Variants in ANO3 observed in about 807,000 individuals in gnomAD.
ANO3 encodes the protein anoctamin-3.
A neutral mutation model predicts 144.8 loss-of-function variants in ANO3; 99 were observed. That is an observed-to-expected ratio of 0.68 (90% confidence interval 0.58 to 0.81). The LOEUF (loss-of-function observed/expected upper bound fraction) is 0.81. Ranked by LOEUF, ANO3 falls within the 30% of genes least tolerant of loss-of-function variation. ANO3 has a pLI of 0.00. For missense variants in ANO3, 905 were observed against 1,202.2 expected (o/e 0.75, Z 3.66); for synonymous variants, 414 against 392.6 (o/e 1.05, Z -0.64).
chr11:26,366,271 G>T (rs1590296957), intron 1 of ANO3, among the ~76,000 whole-genome samples: 1 of 152,052 alleles, frequency 6.6e-6, no homozygotes, highest in Admixed American at 6.5e-5. Flanking sequence ...TGCGATAGTT[G>T]GCTGAGAATG....
Position 26,386,635 on chromosome 11 carries a change from A to AT in ANO3, c.46+54317dup, listed in dbSNP as rs570384777. Reference sequence around the variant, plus strand: ...AAGAATACAACATTATTTCTGTAGTATTTGTGCCAAGAATGTAGGAGAAAA... The same window carrying AT: ...AAGAATACAACATTATTTCTGTAGTATTTTGTGCCAAGAATGTAGGAGAAAA... On this transcript the variant is annotated intron_variant, in intron 1 of 26. Coordinates refer to ENST00000256737, the MANE Select transcript of ANO3 (RefSeq NM_031418.4). 2.2e-4 allele frequency among the ~76,000 whole-genome samples: 33 copies of AT among 152,328 alleles called. No individual in the cohort carries two copies. The South Asian group carries it at 6.6e-3, about 31-fold the overall frequency.
At chr11:26,593,826 C>T (rs1848565) in intron 14 of ANO3, among the ~76,000 whole-genome samples, 42,353 of 151,984 alleles carry the variant, frequency 0.28, 6,404 homozygotes, top group South Asian at 0.45. Context: ...GTCCGCTTGC[C>T]GAGGGCCATG....
intron 1 of ANO3, among the ~76,000 whole-genome samples, chr11:26,212,508 C>G (rs1203679558): frequency 6.6e-6 from 1 of 152,004 alleles, no homozygotes; most frequent in Non-Finnish European, 1.5e-5. Flanking sequence ...ATAAATACCT[C>G]TATGCAAATA....
chr11:26,649,274 A>G lies in ANO3; in HGVS notation c.2576+1418A>G, dbSNP rs546545563. On this transcript the variant is annotated intron_variant, in intron 24 of 26. Coordinates refer to ENST00000256737, the MANE Select transcript of ANO3 (RefSeq NM_031418.4). ...ATTCATGTACACATTTTAAAGGTAT[A>G]TAACAGTAGAATCTGACTTTTTTGA... Among the ~76,000 whole-genome samples, 18 of 152,336 alleles carry G rather than the reference A, an allele frequency of 1.2e-4. No individual in the cohort carries two copies. The South Asian group carries it at 3.1e-3, about 26-fold the overall frequency.
intron 14 of ANO3, among the ~76,000 whole-genome samples, chr11:26,580,844 A>T (rs1009229717): frequency 1.1e-4 from 16 of 152,206 alleles, no homozygotes; most frequent in African/African-American, 3.4e-4. Context: ...TATTTAAAAA[A>T]AATGGTTAGT....
At chr11:26,488,254 A>T (rs1860546111) in intron 4 of ANO3, among the ~76,000 whole-genome samples, 1 of 152,242 alleles carries the variant, frequency 6.6e-6, no homozygotes, top group South Asian at 2.1e-4. Context: ...CTGACAATGC[A>T]GTAGAAAAGA....
intron 1 of ANO3, among the ~76,000 whole-genome samples, chr11:26,220,276 G>A (rs1480000430): frequency 6.6e-6 from 1 of 152,208 alleles, no homozygotes; most frequent in East Asian, 1.9e-4. Flanking sequence ...TAAAAGACAT[G>A]GCACTAGACC....
chr11:26,258,758 A>G (rs1853116407), intron 1 of ANO3, among the ~76,000 whole-genome samples: 1 of 152,242 alleles, frequency 6.6e-6, no homozygotes, highest in Non-Finnish European at 1.5e-5. Context: ...AGTTTAGTCT[A>G]TAACCAATGG....
chr11:26,440,649 G>C (rs1414852235), intron 1 of ANO3, among the ~76,000 whole-genome samples: 1 of 152,148 alleles, frequency 6.6e-6, no homozygotes, highest in Admixed American at 6.5e-5. Flanking sequence ...GAAGAGAAAA[G>C]AGCCTCCACT....
chr11:26,383,944 C>CTGGA (rs1856655656), intron 1 of ANO3, among the ~76,000 whole-genome samples: 1 of 114,214 alleles, frequency 8.8e-6, no homozygotes, highest in Non-Finnish European at 1.6e-5. Flanking sequence ...GTTGCCCAGG[C>CTGGA]TGGAGTGCAG....
chr11:26,621,947 C>T (rs1229566947), intron 17 of ANO3, among the ~76,000 whole-genome samples: 1 of 152,156 alleles, frequency 6.6e-6, no homozygotes, highest in Non-Finnish European at 1.5e-5. Context: ...TTCCACTTTA[C>T]ACAATCACAC....
At chr11:26,566,817 A>G (rs542867540) in intron 14 of ANO3, among the ~76,000 whole-genome samples, 2 of 151,976 alleles carry the variant, frequency 1.3e-5, no homozygotes, top group South Asian at 2.1e-4. Flanking sequence ...GACACAAATA[A>G]CTCATGAAAA....
Position 26,385,125 on chromosome 11 carries a change from GATCA to G in ANO3, c.46+52807_46+52810del, listed in dbSNP as rs1339545450. On this transcript the variant is annotated intron_variant, in intron 1 of 26. Transcript: ENST00000256737. ...TTGATACTTGGAAATTACATGAAAA[GATCA>G]ATTAAGATAAGACTCATAATGAATA... Among the ~76,000 whole-genome samples the G allele has an allele frequency of 4.6e-5, 7 of 152,090 alleles. No homozygotes were observed. In the South Asian group the frequency reaches 1.2e-3, roughly 27 times the overall value.
chr11:26,559,822 G>C (rs1203188523), intron 14 of ANO3, 43 bp downstream of exon 14: 10 of 1,081,132 alleles, frequency 9.2e-6, no homozygotes, highest in Non-Finnish European at 1.4e-5. Context: ...ATTTTCTGAA[G>C]CTGTTTCTGT....
upstream of ANO3, among the ~76,000 whole-genome samples, chr11:26,308,025 A>T (rs985963913): frequency 2.0e-5 from 3 of 152,110 alleles, no homozygotes. Context: ...TTTGGAGTTC[A>T]GCTTGCTTTC....
In ANO3 at chr11:26,237,578, A is replaced by G. The variant is rs1188412791; in HGVS notation, c.154+48248A>G. Among the ~76,000 whole-genome samples, 6 of 151,944 alleles carry G rather than the reference A, an allele frequency of 3.9e-5. No homozygotes were observed. The East Asian group carries it at 1.2e-3, about 29-fold the overall frequency. On this transcript the variant is annotated intron_variant, in intron 1 of 27. Coordinates refer to the ANO3 transcript ENST00000672621. ...ATTTTAAAAAATGATTCTAAAATGT[A>G]TCTGAAGATTTTGTTCTTCTAAATA... is the stretch of plus-strand genomic sequence containing the variant.
chr11:26,510,150 A>AG (rs1554963584), intron 5 of ANO3, among the ~76,000 whole-genome samples: 79,882 of 129,606 alleles, frequency 0.62, 25,180 homozygotes, highest in East Asian at 0.77. Flanking sequence ...AAAAAAAAAA[A>AG]AAAGAGTAGA....
chr11:26,523,963 T>A (rs1307458822), intron 6 of ANO3, among the ~76,000 whole-genome samples: 3 of 152,220 alleles, frequency 2.0e-5, no homozygotes, highest in Non-Finnish European at 2.9e-5. Context: ...TGCTGGAAAT[T>A]ATTTTATACC....
At chr11:26,300,761 T>C (rs1222822714) in intron 1 of ANO3, among the ~76,000 whole-genome samples, 1 of 152,152 alleles carries the variant, frequency 6.6e-6, no homozygotes, top group East Asian at 1.9e-4. Flanking sequence ...CAAAATAACA[T>C]AACCTTGCAT....
Sources: gnomAD v4.1 joint callset for allele counts (sites outside exome capture counted in the v4.1 genomes callset) on GRCh38, gnomAD v4.1.1 for gene constraint, MANE v1.5 for transcripts, NCBI Gene and HGNC (gene_info 2026-07-23, HGNC 2026-07-21) for gene names.